PLEKHG4B: variants seen among roughly 807,000 people sequenced by gnomAD.
The protein encoded by PLEKHG4B is pleckstrin homology and RhoGEF domain containing G4B.
PLEKHG4B carries 111 observed loss-of-function variants against 121.3 expected under a neutral mutation model. The ratio of observed to expected loss-of-function variants is 0.92; its 90% CI spans 0.78 to 1.07. The LOEUF is 1.07. Among genes scored for constraint, PLEKHG4B ranks in the 50% least tolerant of loss-of-function variants. The pLI is 0.00. For missense variants in PLEKHG4B, 1,831 were observed against 1,757.8 expected (o/e 1.04, Z -0.74); for synonymous variants, 738 against 725.0 (o/e 1.02, Z -0.29).
Position 137,347 on chromosome 5 carries a change from C to T in PLEKHG4B, c.244-2136C>T, listed in dbSNP as rs952834794. ...GAGATGGTGGTGATGGTTACATAAC[C>T]GTGTGAATGTACTTAATGCCACTGA... On this transcript the variant is annotated intron_variant, in intron 2 of 19. Coordinates refer to ENST00000637938, the MANE Select transcript of PLEKHG4B (RefSeq NM_052909.5). This position sits in a 1 kb window ranked among gnomAD's most constrained non-coding sequence, Gnocchi z 4.2. Among the ~76,000 whole-genome samples the T allele has an allele frequency of 3.3e-5, 5 of 152,188 alleles. 1 individual carries two copies. The highest frequency in any genetic ancestry group is 4.2e-4 in the South Asian group (2 of 4,818).
intron 11 of PLEKHG4B, among the ~76,000 whole-genome samples, chr5:161,414 C>T (rs949682387): frequency 6.6e-6 from 1 of 152,240 alleles, no homozygotes; most frequent in Non-Finnish European, 1.5e-5. Flanking sequence ...AGGCCCGTGC[C>T]ACCTCTCATC....
At chr5:173,748 A>G (rs1736651104) in intron 17 of PLEKHG4B, among the ~76,000 whole-genome samples, 170 bp from the exon 18 acceptor site, 1 of 152,088 alleles carries the variant, frequency 6.6e-6, no homozygotes, top group African/African-American at 2.4e-5. Flanking sequence ...CACGGTCACA[A>G]GCAGCCTCAC....
intron 6 of PLEKHG4B, among the ~76,000 whole-genome samples, chr5:149,746 A>G (rs1274158230): frequency 1.3e-5 from 2 of 152,244 alleles, no homozygotes; most frequent in African/African-American, 2.4e-5. Flanking sequence ...AAGAAGATAT[A>G]TATGTGGCTA....
chr5:181,152 A>G (rs778517631), intron 18 of PLEKHG4B, among the ~76,000 whole-genome samples: 2 of 152,254 alleles, frequency 1.3e-5, no homozygotes, highest in South Asian at 2.1e-4. Flanking sequence ...TGTCTTTCCC[A>G]TGGACACGGC....
intron 16 of PLEKHG4B, 116 bp from the exon 17 acceptor site, chr5:172,781 T>G: frequency 2.6e-6 from 3 of 1,168,042 alleles, no homozygotes; most frequent in South Asian, 1.4e-5. Flanking sequence ...TTTATGGCAG[T>G]TTGGCTGCTG....
At chr5:119,271 A>C (rs1734397913) in intron 2 of PLEKHG4B, among the ~76,000 whole-genome samples, 1 of 152,206 alleles carries the variant, frequency 6.6e-6, no homozygotes, top group South Asian at 2.1e-4. Context: ...GAAATCAACA[A>C]CAAGAAACCC....
chr5:168,794 A>G (rs553441089), intron 13 of PLEKHG4B, among the ~76,000 whole-genome samples: 2 of 152,104 alleles, frequency 1.3e-5, no homozygotes, highest in African/African-American at 4.8e-5. Flanking sequence ...TCCAGGTAAC[A>G]GGGAGAGAAT....
chr5:181,688 G>T lies in PLEKHG4B; in HGVS notation c.4564+13G>T, dbSNP rs372366950. 1 of 1,607,880 alleles carries T rather than the reference G, an allele frequency of 6.2e-7. No individual in the cohort carries two copies. ...GTCAAGGGCACAGGTACGGTGGCTC[G>T]GTCCCGCCCTCACTCACCCTGCAGA... On this transcript the variant is annotated intron_variant, in intron 19 of 19. Coordinates refer to ENST00000637938, the MANE Select transcript of PLEKHG4B (RefSeq NM_052909.5).
intron 1 of PLEKHG4B, among the ~76,000 whole-genome samples, chr5:94,404 TTGTC>T (rs1281769599): frequency 3.3e-5 from 5 of 152,200 alleles, no homozygotes; most frequent in Non-Finnish European, 7.3e-5. Flanking sequence ...GCCTCAGACT[TTGTC>T]TGACCCGAGA....
Position 174,012 on chromosome 5 carries a change from T to G in PLEKHG4B, c.4316T>G (p.Ile1439Ser). The G allele has an allele frequency of 3.1e-6, 5 of 1,610,254 alleles. No homozygotes were observed. The highest frequency in any genetic ancestry group is 4.2e-6 in the Non-Finnish European group (5 of 1,178,696). Residue 1439 changes from isoleucine to serine, a missense_variant, in exon 18 of 20, where the codon ATT (isoleucine) becomes AGT (serine). Coordinates refer to ENST00000637938, the MANE Select transcript of PLEKHG4B (RefSeq NM_052909.5). ...RRRRKSQDTY[I>S]LQASSAEVKS... The stretch of plus-strand genomic sequence containing the variant: ...CGGCGGAAATCTCAGGACACCTACA[T>G]TCTCCAAGCAAGCTCGGCAGAGGTC...
At chr5:96,397 A>G (rs758523052) in intron 1 of PLEKHG4B, among the ~76,000 whole-genome samples, 12 of 152,396 alleles carry the variant, frequency 7.9e-5, no homozygotes, top group Non-Finnish European at 1.3e-4. Context: ...AAAATATTCA[A>G]TGAAATTATT....
intron 6 of PLEKHG4B, among the ~76,000 whole-genome samples, chr5:149,672 C>T (rs759153471): frequency 1.3e-5 from 2 of 152,136 alleles, no homozygotes; most frequent in South Asian, 2.1e-4. Flanking sequence ...TAAAATTCAA[C>T]AACAACAAAA....
intron 2 of PLEKHG4B, among the ~76,000 whole-genome samples, chr5:125,241 G>A (rs1337171383): frequency 6.6e-6 from 1 of 152,174 alleles, no homozygotes; most frequent in African/African-American, 2.4e-5. Flanking sequence ...TTCTATGTAT[G>A]TGCTGTATAG....
chr5:96,105 G>A (rs931876626), intron 1 of PLEKHG4B, among the ~76,000 whole-genome samples: 42 of 152,218 alleles, frequency 2.8e-4, no homozygotes, highest in Non-Finnish European at 1.8e-4. Context: ...TGGTGTGGGT[G>A]GTGGTGTTAC....
intron 14 of PLEKHG4B, 147 bp downstream of exon 14, chr5:169,739 A>G: frequency 7.9e-7 from 1 of 1,273,628 alleles, no homozygotes; most frequent in Non-Finnish European, 1.1e-6. Context: ...TGTTAAGACC[A>G]GCCGAAAAAC....
intron 7 of PLEKHG4B, among the ~76,000 whole-genome samples, chr5:154,323 T>C (rs1490332055): frequency 6.6e-6 from 1 of 152,156 alleles, no homozygotes; most frequent in African/African-American, 2.4e-5. Flanking sequence ...TCTTTTTCTT[T>C]TTCTTTTTTT....
chr5:151,656 C>A, intron 7 of PLEKHG4B, 57 bp downstream of exon 7: 2 of 1,156,140 alleles, frequency 1.7e-6, no homozygotes, highest in South Asian at 1.4e-5. Flanking sequence ...ATTAAGGCAC[C>A]TAGATGAGAT....
intron 2 of PLEKHG4B, among the ~76,000 whole-genome samples, chr5:129,730 C>T (rs1282921506): frequency 6.6e-6 from 1 of 152,188 alleles, no homozygotes; most frequent in Non-Finnish European, 1.5e-5. Flanking sequence ...AATAAGCCTT[C>T]CCTAGCCCCC....
intron 2 of PLEKHG4B, among the ~76,000 whole-genome samples, chr5:131,167 T>G (rs955237678): frequency 1.3e-5 from 2 of 151,884 alleles, no homozygotes; most frequent in African/African-American, 4.9e-5. Context: ...ACGTGCAGGT[T>G]TGTTGCATAG....
Sources: allele counts gnomAD v4.1 joint callset (sites outside exome capture counted in the v4.1 genomes callset), GRCh38; gene constraint gnomAD v4.1.1; non-coding constraint Gnocchi (gnomAD v3.1); transcripts MANE v1.5; gene names NCBI Gene and HGNC (gene_info 2026-07-23, HGNC 2026-07-21).